The following UBE2D1 variants were observed in gnomAD, a reference collection of about 807,000 sequenced individuals.
The protein encoded by UBE2D1 is ubiquitin conjugating enzyme E2 D1.
In UBE2D1, 9 loss-of-function variants were observed where a neutral mutation model predicts 24.6. The observed-to-expected ratio is 0.37, with a 90% CI of 0.22 to 0.64. The LOEUF is 0.64. UBE2D1 is among the 30% of genes least tolerant of loss of function. The pLI, the probability that UBE2D1 is intolerant of heterozygous loss-of-function variation, is 0.64. For synonymous variants in UBE2D1, 57 were observed against 57.6 expected, an observed-to-expected ratio of 0.99 and a Z score of 0.04; for missense variants, 87 against 177.1, an observed-to-expected ratio of 0.49 and a Z score of 2.89.
At chr10:58,358,722 G>T (rs1202318334) in intron 1 of UBE2D1, among the ~76,000 whole-genome samples, 1 of 152,062 alleles carries the variant, frequency 6.6e-6, no homozygotes, top group African/African-American at 2.4e-5. Flanking sequence ...ACCCAGCATA[G>T]TTAAGTCAAA....
chr10:58,347,823 A>G (rs1436087514), intron 1 of UBE2D1, among the ~76,000 whole-genome samples: 1 of 151,716 alleles, frequency 6.6e-6, no homozygotes, highest in Non-Finnish European at 1.5e-5. Context: ...AATTTTTTAT[A>G]TTTTTAGTAG....
chr10:58,338,508 A>C (rs1174759123), intron 1 of UBE2D1, among the ~76,000 whole-genome samples: 1 of 152,222 alleles, frequency 6.6e-6, no homozygotes. Flanking sequence ...TGAAAAGAGG[A>C]GGACAGTTTT....
intron 1 of UBE2D1, chr10:58,360,921 CAA>C (rs72051070): frequency 0.016 from 5,877 of 374,972 alleles, no homozygotes; most frequent in East Asian, 0.027. Flanking sequence ...GATCCTGTCT[CAA>C]AAAAAAAAAA....
chr10:58,340,158 A>G (rs1207933640), intron 1 of UBE2D1, among the ~76,000 whole-genome samples: 1 of 152,240 alleles, frequency 6.6e-6, no homozygotes, highest in Non-Finnish European at 1.5e-5. Context: ...AAGACCTAGT[A>G]TACAAATCTA....
chr10:58,350,379 T>C (rs958000909), intron 1 of UBE2D1, among the ~76,000 whole-genome samples: 4 of 109,344 alleles, frequency 3.7e-5, no homozygotes, highest in Non-Finnish European at 5.5e-5. Context: ...ACTGAGCCCC[T>C]TCTGATATAT....
chr10:58,368,938 TAA>T lies in UBE2D1; in HGVS notation c.*174_*175del, dbSNP rs373252086. The stretch of plus-strand genomic sequence containing the variant: ...CAAAACAAACTTCCAAAAATACCCT[TAA>T]GACTGTGATGAGAGCATTTATCATT... On this transcript the variant is annotated 3_prime_UTR_variant, in exon 7 of 7. Transcript: ENST00000373910. 8 of 398,242 alleles carry T rather than the reference TAA, an allele frequency of 2.0e-5. No homozygotes were observed. Among genetic ancestry groups the T allele is most frequent in the African/African-American group, 1.7e-4 (8 of 48,400 alleles). 24.7% of individuals were successfully genotyped at this position (398,242 alleles called of 1,614,324 possible). A position where few individuals can be genotyped will look rare whatever the true frequency, so the allele number is the denominator to read the frequency against.
At chr10:58,359,619 C>G (rs1368031700) in intron 1 of UBE2D1, among the ~76,000 whole-genome samples, 1 of 152,210 alleles carries the variant, frequency 6.6e-6, no homozygotes, top group Non-Finnish European at 1.5e-5. Flanking sequence ...CACATTCGTA[C>G]ATTTGTGGAA....
chr10:58,356,538 A>G (rs766004630), intron 1 of UBE2D1, among the ~76,000 whole-genome samples: 26 of 152,176 alleles, frequency 1.7e-4, no homozygotes, highest in Non-Finnish European at 1.5e-4. Flanking sequence ...AAGATGCTGC[A>G]GTAAATATCC....
At position 58,335,165 on chromosome 10, in the gene UBE2D1, C is replaced by T. The variant is rs570234229; in HGVS notation, c.-37C>T. On this transcript the variant is annotated 5_prime_UTR_variant, in exon 1 of 7. Transcript: ENST00000373910. ...CACGCCCCTGAGCCCCGCAGCCGAC[C>T]CCTGCCGGCCGGTGTCCCCACCGCC... is the stretch of plus-strand genomic sequence containing the variant. 3,894 of 1,539,898 alleles carry T rather than the reference C, an allele frequency of 2.5e-3. 12 individuals carry two copies. Among genetic ancestry groups the T allele is most frequent in the Admixed American group, 3.0e-3 (154 of 51,280 alleles).
intron 1 of UBE2D1, among the ~76,000 whole-genome samples, chr10:58,352,344 G>A (rs910822315): frequency 6.6e-6 from 1 of 152,106 alleles, no homozygotes; most frequent in Non-Finnish European, 1.5e-5. Context: ...CTCCCAGGGA[G>A]CAACACTCAC....
At chr10:58,344,997 T>G (rs1840000774) in intron 1 of UBE2D1, among the ~76,000 whole-genome samples, 1 of 152,010 alleles carries the variant, frequency 6.6e-6, no homozygotes. Context: ...CCTGAGTAGC[T>G]GGGTCTACAG....
At chr10:58,355,932 CT>C (rs1310225654) in intron 1 of UBE2D1, among the ~76,000 whole-genome samples, 2 of 152,038 alleles carry the variant, frequency 1.3e-5, no homozygotes, top group Non-Finnish European at 2.9e-5. Flanking sequence ...GTTGGGTCTT[CT>C]TAGTAGCTAT....
intron 1 of UBE2D1, among the ~76,000 whole-genome samples, chr10:58,344,154 G>A (rs1012454011): frequency 1.3e-5 from 2 of 152,220 alleles, no homozygotes; most frequent in Admixed American, 6.5e-5. Flanking sequence ...CCTGAGAAAA[G>A]ATAAGAATTC....
chr10:58,340,943 A>G (rs1373714271), intron 1 of UBE2D1, among the ~76,000 whole-genome samples: 1 of 152,188 alleles, frequency 6.6e-6, no homozygotes, highest in East Asian at 1.9e-4. Flanking sequence ...AATGTTCTAT[A>G]CAAATGTAAA....
intron 1 of UBE2D1, among the ~76,000 whole-genome samples, chr10:58,353,946 T>G (rs1224376372): frequency 6.6e-6 from 1 of 152,228 alleles, no homozygotes; most frequent in Non-Finnish European, 1.5e-5. Context: ...AAACACCTTA[T>G]GTGAAAGGCA....
intron 1 of UBE2D1, among the ~76,000 whole-genome samples, chr10:58,348,710 A>T (rs977705479): frequency 2.0e-5 from 3 of 152,164 alleles, no homozygotes; most frequent in Non-Finnish European, 1.5e-5. Context: ...TTTTTAGGGA[A>T]TATTTACTGC....
intron 1 of UBE2D1, among the ~76,000 whole-genome samples, chr10:58,355,533 A>T (rs975039767): frequency 6.6e-6 from 1 of 152,322 alleles, no homozygotes; most frequent in African/African-American, 2.4e-5. Context: ...GGACAGACAA[A>T]GAGGAAAGTC....
chr10:58,368,289 T>A (rs1032465516), intron 6 of UBE2D1: 5 of 309,870 alleles, frequency 1.6e-5, no homozygotes, highest in African/African-American at 1.1e-4. Flanking sequence ...ATGAAAGAAT[T>A]TAATCATTGG....
chr10:58,369,302 T>C lies in UBE2D1; in HGVS notation c.*537T>C, dbSNP rs1409697594. 6.6e-6 allele frequency: 1 copy of C among 152,602 alleles called. No individual in the cohort carries two copies. Among genetic ancestry groups the C allele is most frequent in the African/African-American group, 2.4e-5 (1 of 41,458 alleles). The allele number at this position is 152,602 out of a possible 1,614,324, so 9.5% of individuals were successfully genotyped here. On this transcript the variant is annotated 3_prime_UTR_variant, in exon 7 of 7. Coordinates refer to ENST00000373910, the MANE Select transcript of UBE2D1 (RefSeq NM_003338.5). ...CTGATAATTAAGTGAATTAACTGTG[T>C]CTCCCTTGTCTTAGGATATTCTGTA... is the stretch of plus-strand genomic sequence containing the variant.
Sources: allele counts gnomAD v4.1 joint callset (sites outside exome capture counted in the v4.1 genomes callset), GRCh38; gene constraint gnomAD v4.1.1; transcripts MANE v1.5; gene names NCBI Gene and HGNC (gene_info 2026-07-23, HGNC 2026-07-21).